PTPRN2: variants seen among roughly 807,000 people sequenced by gnomAD.
PTPRN2 encodes the protein protein tyrosine phosphatase receptor type N2, also known as receptor-type tyrosine-protein phosphatase N2.
A neutral mutation model predicts 118.8 loss-of-function variants in PTPRN2; 74 were observed. That is an observed-to-expected ratio of 0.62 (90% confidence interval 0.52 to 0.76). The LOEUF is 0.76. Among genes scored for constraint, PTPRN2 ranks in the 30% least tolerant of loss-of-function variants. The pLI, the probability that PTPRN2 is intolerant of heterozygous loss-of-function variation, is 0.00. For missense variants in PTPRN2, 1,481 were observed against 1,394.4 expected (o/e 1.06, Z -0.99); for synonymous variants, 641 against 608.0 (o/e 1.05, Z -0.80).
intron 1 of PTPRN2, among the ~76,000 whole-genome samples, chr7:158,532,201 G>A (rs143396825): frequency 0.013 from 1,940 of 152,326 alleles, 23 homozygotes; most frequent in Middle Eastern, 0.044. Context: ...CACCTGGGTG[G>A]TGCCCATGCC....
In PTPRN2 at chr7:158,416,478, G is replaced by A. The variant is rs1814665016; in HGVS notation, c.163+73257C>T. 3.3e-5 allele frequency among the ~76,000 whole-genome samples: 5 copies of A among 152,236 alleles called. No individual in the cohort carries two copies. The South Asian group carries it at 1.0e-3, about 32-fold the overall frequency. ...AGCCATGTGGGATTGGTGGCTGCAT[G>A]GGGATTGGCCAGGGTGCCTGTCACT... On this transcript the variant is annotated intron_variant, in intron 2 of 22. Transcript: ENST00000389418.
At chr7:158,196,677 G>T (rs549464800) in intron 4 of PTPRN2, among the ~76,000 whole-genome samples, 2 of 152,294 alleles carry the variant, frequency 1.3e-5, no homozygotes, top group South Asian at 4.2e-4. Flanking sequence ...CACCCCTGGG[G>T]CCCTGCCCAC....
At chr7:157,664,918 A>G (rs1433397695) in intron 13 of PTPRN2, among the ~76,000 whole-genome samples, 5 of 152,236 alleles carry the variant, frequency 3.3e-5, no homozygotes, top group Non-Finnish European at 7.3e-5. Context: ...AATCCTCGGT[A>G]AACACAAAGG....
At position 157,875,188 on chromosome 7, in the gene PTPRN2, G is replaced by A. The variant is rs540697737; in HGVS notation, c.1788+23485C>T. Among the ~76,000 whole-genome samples, 6 of 152,310 alleles carry A rather than the reference G, an allele frequency of 3.9e-5. No individual in the cohort carries two copies. In the East Asian group the frequency reaches 5.8e-4, roughly 15 times the overall value. ...GGGTCACCTTGACTTCACTATTTTCGAAATGCTGAATTTTGCTGCAAAGTT... is the reference window on the plus strand; with the variant it reads ...GGGTCACCTTGACTTCACTATTTTCAAAATGCTGAATTTTGCTGCAAAGTT... On this transcript the variant is annotated intron_variant, in intron 12 of 22. Transcript: ENST00000389418.
intron 6 of PTPRN2, among the ~76,000 whole-genome samples, chr7:158,143,346 G>A (rs931502552): frequency 5.9e-5 from 9 of 152,206 alleles, no homozygotes; most frequent in African/African-American, 2.2e-4. Context: ...GGAGCCTGCG[G>A]CAGGAACCGG....
chr7:157,768,362 C>A (rs1010464895), intron 12 of PTPRN2, among the ~76,000 whole-genome samples: 2 of 152,208 alleles, frequency 1.3e-5, no homozygotes, highest in African/African-American at 4.8e-5. Flanking sequence ...GCACAGCACA[C>A]GGGCAGAACC....
In PTPRN2 at chr7:157,792,572, C is replaced by T. The variant is rs570579906; in HGVS notation, c.1788+106101G>A. On this transcript the variant is annotated intron_variant, in intron 12 of 22. Transcript: ENST00000389418. Reference sequence around the variant, plus strand: ...CAGGGCATCTGCTAGTCGTCTTTGCCTGCTCCCCAGTGTCCCAAGCAACTC... The same window carrying T: ...CAGGGCATCTGCTAGTCGTCTTTGCTTGCTCCCCAGTGTCCCAAGCAACTC... Among the ~76,000 whole-genome samples the T allele has an allele frequency of 1.1e-3, 172 of 152,364 alleles. 1 individual carries two copies. The highest frequency in any genetic ancestry group is 4.1e-3 in the African/African-American group (171 of 41,590).
At chr7:157,979,998 C>T (rs1803017087) in intron 11 of PTPRN2, among the ~76,000 whole-genome samples, 1 of 152,186 alleles carries the variant, frequency 6.6e-6, no homozygotes, top group Admixed American at 6.5e-5. Flanking sequence ...AGTCTATTTC[C>T]TCAGCAATAC....
At chr7:157,675,400 A>G (rs1487669457) in intron 13 of PTPRN2, among the ~76,000 whole-genome samples, 1 of 152,160 alleles carries the variant, frequency 6.6e-6, no homozygotes, top group Non-Finnish European at 1.5e-5. Flanking sequence ...CGGACCACAC[A>G]GGGGCTCACC....
At chr7:158,250,969 C>T (rs1490635840) in intron 3 of PTPRN2, among the ~76,000 whole-genome samples, 1 of 151,428 alleles carries the variant, frequency 6.6e-6, no homozygotes, top group African/African-American at 2.4e-5. Context: ...GAGATGAGCA[C>T]ATTTTTACTT....
At chr7:158,585,083 G>A (rs985194060) in intron 1 of PTPRN2, among the ~76,000 whole-genome samples, 4 of 152,210 alleles carry the variant, frequency 2.6e-5, no homozygotes, top group Non-Finnish European at 5.9e-5. Context: ...CTTTAATCGA[G>A]CCTCATTATT....
intron 11 of PTPRN2, among the ~76,000 whole-genome samples, chr7:157,963,040 G>A (rs1377006040): frequency 2.6e-5 from 4 of 152,244 alleles, no homozygotes; most frequent in Non-Finnish European, 4.4e-5. Flanking sequence ...AAGGCAGCAT[G>A]CAGAGAAGCA....
At chr7:158,499,749 T>A (rs1822211517) in intron 1 of PTPRN2, among the ~76,000 whole-genome samples, 1 of 151,882 alleles carries the variant, frequency 6.6e-6, no homozygotes, top group Admixed American at 6.5e-5. Flanking sequence ...CCAGCCTGGG[T>A]GACGGAGCAA....
intron 12 of PTPRN2, among the ~76,000 whole-genome samples, chr7:157,767,040 C>T (rs1372110561): frequency 6.6e-6 from 1 of 152,196 alleles, no homozygotes; most frequent in East Asian, 1.9e-4. Flanking sequence ...ATACAATAGT[C>T]ACTCCAGGGG....
Position 158,468,825 on chromosome 7 carries a change from G to A in PTPRN2, c.163+20910C>T, listed in dbSNP as rs572999627. On this transcript the variant is annotated intron_variant, in intron 2 of 22. Transcript: ENST00000389418. ...AGCGTGCACACCCACGCACACTCCC[G>A]ATCAACAATGTGCACACCCACACAC... 4.6e-5 allele frequency among the ~76,000 whole-genome samples: 7 copies of A among 150,758 alleles called. No homozygotes were observed. In the South Asian group the frequency reaches 1.3e-3, roughly 27 times the overall value.
chr7:157,582,383 C>T (rs888039404), intron 17 of PTPRN2, among the ~76,000 whole-genome samples: 5 of 152,118 alleles, frequency 3.3e-5, no homozygotes, highest in South Asian at 2.1e-4. Flanking sequence ...ACAAATGGCC[C>T]GCACGTATGT....
At chr7:157,707,896 G>C (rs1425602334) in intron 12 of PTPRN2, among the ~76,000 whole-genome samples, 1 of 152,242 alleles carries the variant, frequency 6.6e-6, no homozygotes, top group African/African-American at 2.4e-5. Flanking sequence ...GCCAGAGGAA[G>C]ATTTCTTATG....
chr7:158,053,855 T>TCCAGAGACGCAGAGACC (rs1563365993), intron 11 of PTPRN2, among the ~76,000 whole-genome samples: 6 of 66,312 alleles, frequency 9.0e-5, no homozygotes, highest in South Asian at 4.7e-4. Flanking sequence ...ACGCAGAGAC[T>TCCAGAGACGCAGAGACC]CCAGAGACGC....
At position 157,617,433 on chromosome 7, in the gene PTPRN2, T is replaced by C. The variant is rs1250113051; in HGVS notation, c.2344+3929A>G. 1 of 114,574 alleles carries C rather than the reference T, an allele frequency of 8.7e-6. No homozygotes were observed. The highest frequency in any genetic ancestry group is 1.8e-5 in the Non-Finnish European group (1 of 56,710). The allele number at this position is 114,574 out of a possible 1,614,324, so 7.1% of individuals were successfully genotyped here. A position where few individuals can be genotyped will look rare whatever the true frequency, so the allele number is the denominator to read the frequency against. ...CAGTGATGCCGTGGTTAGGACGCCG[T>C]TCACGCAGCTGCAGCGCAGAGCACG... On this transcript the variant is annotated intron_variant, in intron 15 of 22. Coordinates refer to ENST00000389418, the MANE Select transcript of PTPRN2 (RefSeq NM_002847.5). This position sits in a 1 kb window ranked among gnomAD's most constrained non-coding sequence, Gnocchi z 7.5.
Sources: allele counts gnomAD v4.1 joint callset (sites outside exome capture counted in the v4.1 genomes callset), GRCh38; gene constraint gnomAD v4.1.1; non-coding constraint Gnocchi (gnomAD v3.1); transcripts MANE v1.5; gene names NCBI Gene and HGNC (gene_info 2026-07-23, HGNC 2026-07-21).